The following ZNF837 variants were observed in gnomAD, a reference collection of about 807,000 sequenced individuals.
ZNF837 encodes zinc finger protein 837.
For missense variants in ZNF837, 955 were observed against 801.7 expected (o/e 1.19, Z -2.31); for synonymous variants, 475 against 365.2 (o/e 1.30, Z -3.43).
chr19:58,369,337 G>C lies in ZNF837; in HGVS notation c.-5C>G, dbSNP rs1053217260. The stretch of plus-strand genomic sequence containing the variant: ...CTTCTGGGCTGGAGCCTCCATCCTG[G>C]GGCGCAGAGTTCTGGTTGTAGGATC... On this transcript the variant is annotated 5_prime_UTR_variant, in exon 3 of 3. Coordinates refer to ENST00000597582, the MANE Select transcript of ZNF837 (RefSeq NM_138466.2). The C allele has an allele frequency of 7.4e-7, 1 of 1,357,598 alleles. No homozygotes were observed. Among genetic ancestry groups the C allele is most frequent in the Non-Finnish European group, 9.4e-7 (1 of 1,060,230 alleles). The allele number at this position is 1,357,598 out of a possible 1,614,324, so 84.1% of individuals were successfully genotyped here.
chr19:58,377,090 A>ATG (rs1421879831), intron 1 of ZNF837, among the ~76,000 whole-genome samples: 1 of 150,978 alleles, frequency 6.6e-6, no homozygotes, highest in African/African-American at 2.4e-5. Context: ...GGTGGCGCGC[A>ATG]CCTGTAATCC....
intron 1 of ZNF837, among the ~76,000 whole-genome samples, chr19:58,373,272 C>T (rs1015610150): frequency 2.0e-5 from 3 of 152,224 alleles, no homozygotes; most frequent in African/African-American, 7.2e-5. Context: ...TCCATCACCT[C>T]CCCCCACTGT....
Position 58,369,137 on chromosome 19 carries a change from G to A in ZNF837, c.196C>T (p.Arg66Trp), listed in dbSNP as rs1271695085. 5.5e-6 allele frequency: 8 copies of A among 1,458,918 alleles called. No homozygotes were observed. The highest frequency in any genetic ancestry group is 2.6e-5 in the East Asian group (1 of 38,486). 90.4% of individuals were successfully genotyped at this position (1,458,918 alleles called of 1,614,324 possible). A position where few individuals can be genotyped will look rare whatever the true frequency, so the allele number is the denominator to read the frequency against. Residue 66 changes from arginine (R) to tryptophan (W), a missense_variant, in exon 3 of 3, where the codon CGG becomes TGG. Transcript: ENST00000597582. ...GGGCTCACCCCGAGGCTGCAGCCCC[G>A]GGAGCCCCCGCCTGGGGGAGTCGTC... ...GRTTPPGGGS[R>W]GCSLGVSPGP... is the part of the protein sequence containing the mutation.
chr19:58,379,342 A>T, intron 1 of ZNF837, among the ~76,000 whole-genome samples: 1 of 152,156 alleles, frequency 6.6e-6, no homozygotes, highest in East Asian at 1.9e-4. Context: ...CTGCAACAAG[A>T]ACCTGCCTCC....
rs1171845427 is a variant in ZNF837 at position 58,369,009 on chromosome 19, C to T, written c.324G>A (p.Leu108=). Residue 108 remains leucine (L), a synonymous_variant, in exon 3 of 3, where the codon CTG becomes CTA. Transcript: ENST00000597582. ...QNPELVIPEG[L]QAREGPCRSP... is the part of the protein sequence containing the mutation. Reference sequence around the variant, plus strand: ...TCCTACAGGGGCCCTCCCGGGCTTGCAGCCCCTCGGGGATAACCAGCTCAG... The same window carrying T: ...TCCTACAGGGGCCCTCCCGGGCTTGTAGCCCCTCGGGGATAACCAGCTCAG... 7 of 1,515,174 alleles carry T rather than the reference C, an allele frequency of 4.6e-6. No homozygotes were observed. Among genetic ancestry groups the T allele is most frequent in the Non-Finnish European group, 6.2e-6 (7 of 1,128,608 alleles). 93.9% of individuals were successfully genotyped at this position (1,515,174 alleles called of 1,614,324 possible).
chr19:58,370,461 C>G (rs1420954933), intron 1 of ZNF837, among the ~76,000 whole-genome samples: 4 of 151,718 alleles, frequency 2.6e-5, no homozygotes, highest in Non-Finnish European at 5.9e-5. Flanking sequence ...TGTGAAGTAA[C>G]ATAGTCAGAG....
At position 58,369,267 on chromosome 19, in the gene ZNF837, G is replaced by A. The variant is rs1386302030; in HGVS notation, c.66C>T (p.Ser22=). ...CCTCGGGCCTCTTCTCCCGGGCCCC[G>A]GAGGCACCCTGGGCATCGGCCTTGG... The part of the protein sequence containing the change: ...GLPKADAQGA[S]GAREKRPEEP... Residue 22 remains serine (S), a synonymous_variant, in exon 3 of 3, where the codon TCC becomes TCT. Transcript: ENST00000597582. 4.3e-6 allele frequency: 6 copies of A among 1,409,410 alleles called. No homozygotes were observed. Among genetic ancestry groups the A allele is most frequent in the South Asian group, 3.1e-5 (2 of 64,314 alleles). 87.3% of individuals were successfully genotyped at this position (1,409,410 alleles called of 1,614,324 possible).
chr19:58,368,780 G>A lies in ZNF837; in HGVS notation c.553C>T (p.Pro185Ser). ...GAPTCPRTPK[P>S]TSRGRNPLVE... ...AAGGGGTTCCTCCCGCGGGAGGTCG[G>A]CTTTGGGGTCCTCGGGCAGGTCGGA... Residue 185 changes from proline to serine, a missense_variant, in exon 3 of 3, where the codon CCG (proline) becomes TCG (serine). Coordinates refer to ENST00000597582, the MANE Select transcript of ZNF837 (RefSeq NM_138466.2). 1 of 1,543,500 alleles carries A rather than the reference G, an allele frequency of 6.5e-7. No homozygotes were observed. Among genetic ancestry groups the A allele is most frequent in the Non-Finnish European group, 8.7e-7 (1 of 1,146,644 alleles).
chr19:58,371,896 T>TC (rs1568567148), intron 1 of ZNF837, among the ~76,000 whole-genome samples: 1 of 150,988 alleles, frequency 6.6e-6, no homozygotes, highest in Non-Finnish European at 1.5e-5. Flanking sequence ...TAATTTTTTG[T>TC]ATTTTTAGTA....
intron 1 of ZNF837, among the ~76,000 whole-genome samples, chr19:58,373,488 TGA>T (rs2052217873): frequency 1.3e-5 from 2 of 152,180 alleles, no homozygotes; most frequent in South Asian, 2.1e-4. Context: ...TGGAAGGGTG[TGA>T]GAGAGAATGG....
In ZNF837 at chr19:58,367,757, CG is replaced by C; in HGVS notation, c.1575del (p.His525GlnfsTer?). On this transcript the variant is annotated frameshift_variant, in exon 3 of 3. Transcript: ENST00000597582. LOFTEE classifies it low-confidence loss of function (END_TRUNC). Reference protein sequence around the residue: ...RSNLNEHRKRHGGRAAP With the variant: ...RSNLNEHRKRXGGRAAP The stretch of plus-strand genomic sequence containing the variant: ...TGCAGTCAAGGCGCGGCGCGGCCCC[CG>C]TGCCGCTTCCGGTGCTCGTTGAGGT... 1.4e-5 allele frequency: 21 copies of C among 1,532,634 alleles called. No individual in the cohort carries two copies. The highest frequency in any genetic ancestry group is 1.8e-5 in the Non-Finnish European group (21 of 1,144,712). The allele number at this position is 1,532,634 out of a possible 1,614,324, so 94.9% of individuals were successfully genotyped here. A position where few individuals can be genotyped will look rare whatever the true frequency, so the allele number is the denominator to read the frequency against.
chr19:58,370,618 G>A (rs937685733), intron 1 of ZNF837, among the ~76,000 whole-genome samples: 8 of 152,160 alleles, frequency 5.3e-5, no homozygotes, highest in African/African-American at 1.7e-4. Context: ...AAGGACGGCC[G>A]GGCACGGTAG....
intron 1 of ZNF837, among the ~76,000 whole-genome samples, chr19:58,371,014 G>A (rs1179333570): frequency 6.6e-6 from 1 of 152,016 alleles, no homozygotes; most frequent in African/African-American, 2.4e-5. Flanking sequence ...GGCCTAGGTG[G>A]GCAGATCACG....
intron 1 of ZNF837, among the ~76,000 whole-genome samples, chr19:58,376,795 C>T (rs2052251404): frequency 6.6e-6 from 1 of 151,832 alleles, no homozygotes; most frequent in South Asian, 2.1e-4. Flanking sequence ...AAAGAGAAAA[C>T]TTGGCTGGGT....
chr19:58,370,766 G>T (rs375105638), intron 1 of ZNF837, among the ~76,000 whole-genome samples: 1 of 151,726 alleles, frequency 6.6e-6, no homozygotes, highest in South Asian at 2.1e-4. Flanking sequence ...ATGGTGGTGC[G>T]TGCCTGTAAT....
intron 1 of ZNF837, among the ~76,000 whole-genome samples, chr19:58,373,785 C>T (rs2052220130): frequency 6.6e-6 from 1 of 152,184 alleles, no homozygotes; most frequent in Non-Finnish European, 1.5e-5. Context: ...AGCTGGGCTC[C>T]CTGAGTCTGG....
At position 58,369,342 on chromosome 19, in the gene ZNF837, C is replaced by G. The variant is rs2052179361; in HGVS notation, c.-10G>C. The G allele has an allele frequency of 7.4e-7, 1 of 1,352,404 alleles. No individual in the cohort carries two copies. Among genetic ancestry groups the G allele is most frequent in the African/African-American group, 1.5e-5 (1 of 65,102 alleles). 83.8% of individuals were successfully genotyped at this position (1,352,404 alleles called of 1,614,324 possible). ...GGGCTGGAGCCTCCATCCTGGGGCG[C>G]AGAGTTCTGGTTGTAGGATCTGGAA... On this transcript the variant is annotated 5_prime_UTR_variant, in exon 3 of 3. Transcript: ENST00000597582.
rs2122139390 is a variant in ZNF837, at chr19:58,379,597, G to C, written c.-140+1344C>G. On this transcript the variant is annotated intron_variant, in intron 1 of 2. Transcript: ENST00000597582. The stretch of plus-strand genomic sequence containing the variant: ...CTGTTCTTACAGTGACCTCCCACCT[G>C]CCCCAGGTGAGCATGCTTGCACCTG... Among the ~76,000 whole-genome samples, 2 of 152,280 alleles carry C rather than the reference G, an allele frequency of 1.3e-5. 1 individual carries two copies. Among genetic ancestry groups the C allele is most frequent in the South Asian group, 4.1e-4 (2 of 4,822 alleles).
intron 1 of ZNF837, among the ~76,000 whole-genome samples, chr19:58,377,912 C>T (rs1012325615): frequency 1.3e-5 from 2 of 152,214 alleles, no homozygotes; most frequent in African/African-American, 2.4e-5. Flanking sequence ...TCACAGGTGT[C>T]GGCTTCTCTC....
Sources: gnomAD v4.1 joint callset for allele counts (sites outside exome capture counted in the v4.1 genomes callset) on GRCh38, gnomAD v4.1.1 for gene constraint, MANE v1.5 for transcripts, NCBI Gene and HGNC (gene_info 2026-07-23, HGNC 2026-07-21) for gene names.